The following FGF7 variants were observed in gnomAD, a reference collection of about 807,000 sequenced individuals.
FGF7 encodes FGF-7.
Under a neutral mutation model 20.5 loss-of-function variants are expected in FGF7, and 6 were observed. That is an observed-to-expected ratio of 0.29 (90% CI 0.16 to 0.58). The LOEUF is 0.58. FGF7 is among the 20% of genes least tolerant of loss of function. The pLI is 0.90. For synonymous variants in FGF7, 64 were observed against 74.7 expected, an observed-to-expected ratio of 0.86 and a Z score of 0.74; for missense variants, 144 against 228.8, an observed-to-expected ratio of 0.63 and a Z score of 2.39.
At position 49,485,024 on chromosome 15, in the gene FGF7, TTAAACTC is replaced by T. The variant is rs2056289943; in HGVS notation, c.*524_*530del. 6.6e-6 allele frequency: 1 copy of T among 152,010 alleles called. No homozygotes were observed. The highest frequency in any genetic ancestry group is 1.5e-5 in the Non-Finnish European group (1 of 67,944). 9.4% of individuals were successfully genotyped at this position (152,010 alleles called of 1,614,324 possible). A position where few individuals can be genotyped will look rare whatever the true frequency, so the allele number is the denominator to read the frequency against. On this transcript the variant is annotated 3_prime_UTR_variant, in exon 4 of 4. Coordinates refer to ENST00000267843, the MANE Select transcript of FGF7 (RefSeq NM_002009.4). ...TTTCTAGTGAAAAATTATAATCTAC[TTAAACTC>T]TAATCAGAAAAAAAATTCTCAAAAA...
intron 2 of FGF7, among the ~76,000 whole-genome samples, chr15:49,458,761 A>G (rs1472788646): frequency 1.3e-5 from 2 of 152,098 alleles, no homozygotes; most frequent in African/African-American, 4.8e-5. Flanking sequence ...AGTTCCTAAA[A>G]TCCTGTCTTT....
chr15:49,481,031 A>C lies in FGF7; in HGVS notation c.287-2120A>C, dbSNP rs575524043. Among the ~76,000 whole-genome samples, 126 of 152,354 alleles carry C rather than the reference A, an allele frequency of 8.3e-4. 3 individuals are homozygous for C. In the South Asian group the frequency reaches 0.025, roughly 31 times the overall value. On this transcript the variant is annotated intron_variant, in intron 2 of 3. Transcript: ENST00000267843. ...ATAACTGATCATGAAAGACACTCTA[A>C]ACTTGTGCATCAGCATTCTCTTTTT...
intron 2 of FGF7, among the ~76,000 whole-genome samples, chr15:49,467,589 T>A (rs923778545): frequency 6.6e-6 from 1 of 152,162 alleles, no homozygotes; most frequent in South Asian, 2.1e-4. Flanking sequence ...AAAAATCTGA[T>A]ACTTTCTCAC....
chr15:49,462,118 CA>C (rs889065102), intron 2 of FGF7, among the ~76,000 whole-genome samples: 5 of 146,074 alleles, frequency 3.4e-5, no homozygotes, highest in East Asian at 2.0e-4. Context: ...GACTCCATCT[CA>C]AAAAAAAAAT....
At chr15:49,469,760 C>T (rs2054571147) in intron 2 of FGF7, among the ~76,000 whole-genome samples, 1 of 151,990 alleles carries the variant, frequency 6.6e-6, no homozygotes, top group Non-Finnish European at 1.5e-5. Flanking sequence ...CTAAGTTATG[C>T]CTTTAAAAGT....
At chr15:49,456,780 T>C (rs2053333471) in intron 2 of FGF7, among the ~76,000 whole-genome samples, 1 of 151,980 alleles carries the variant, frequency 6.6e-6, no homozygotes, top group Non-Finnish European at 1.5e-5. Context: ...TATTGACAGG[T>C]GATGGGAAGT....
At chr15:49,477,891 CATT>C (rs1379688329) in intron 2 of FGF7, among the ~76,000 whole-genome samples, 1 of 152,166 alleles carries the variant, frequency 6.6e-6, no homozygotes, top group East Asian at 1.9e-4. Context: ...AGAGGTATCT[CATT>C]GTTGTTTTAA....
At chr15:49,472,262 C>G (rs1446731405) in intron 2 of FGF7, among the ~76,000 whole-genome samples, 3 of 152,208 alleles carry the variant, frequency 2.0e-5, no homozygotes, top group African/African-American at 7.2e-5. Flanking sequence ...AGTGACAACT[C>G]TGCTCCACAA....
intron 2 of FGF7, among the ~76,000 whole-genome samples, chr15:49,474,025 A>C (rs2055021177): frequency 6.6e-6 from 1 of 152,176 alleles, no homozygotes; most frequent in Non-Finnish European, 1.5e-5. Flanking sequence ...AAAATATACT[A>C]ACCTAAAACA....
chr15:49,447,500 C>T (rs374197785), intron 2 of FGF7, among the ~76,000 whole-genome samples: 3 of 151,702 alleles, frequency 2.0e-5, no homozygotes, highest in African/African-American at 7.2e-5. Flanking sequence ...ATAAGAGATT[C>T]TCAATCTTAA....
chr15:49,469,352 A>G (rs532698090), intron 2 of FGF7, among the ~76,000 whole-genome samples: 5 of 152,278 alleles, frequency 3.3e-5, no homozygotes, highest in African/African-American at 1.2e-4. Context: ...ATTAAATTAA[A>G]TTTAATTCTA....
intron 2 of FGF7, among the ~76,000 whole-genome samples, chr15:49,448,114 T>C (rs769563612): frequency 1.2e-4 from 18 of 151,744 alleles, no homozygotes; most frequent in Non-Finnish European, 2.1e-4. Context: ...AGCAACATAT[T>C]ATGCTCCTAT....
Position 49,424,194 on chromosome 15 carries a change from T to G in FGF7, c.-104T>G. 9.7e-7 allele frequency: 1 copy of G among 1,034,272 alleles called. No homozygotes were observed. The allele number at this position is 1,034,272 out of a possible 1,614,324, so 64.1% of individuals were successfully genotyped here. On this transcript the variant is annotated 5_prime_UTR_variant, in exon 2 of 4. Transcript: ENST00000267843. ...GAGCAACTACTCTTTCTTAAATCAA[T>G]CTACAATTCACAGATAGGAAGAGGT...
chr15:49,437,000 G>A (rs2051164792), intron 2 of FGF7, among the ~76,000 whole-genome samples: 2 of 151,492 alleles, frequency 1.3e-5, no homozygotes, highest in African/African-American at 4.8e-5. Flanking sequence ...AGAAGGCGTA[G>A]CAACCTTCAG....
chr15:49,477,552 G>A (rs1442012439), intron 2 of FGF7, among the ~76,000 whole-genome samples: 13 of 152,264 alleles, frequency 8.5e-5, no homozygotes, highest in Admixed American at 5.2e-4. Context: ...CAGTGTATAC[G>A]TGTACCATAG....
chr15:49,474,211 C>T (rs1036876413), intron 2 of FGF7, among the ~76,000 whole-genome samples: 3 of 152,098 alleles, frequency 2.0e-5, no homozygotes, highest in Admixed American at 1.3e-4. Flanking sequence ...CAGCCCAGTT[C>T]TTGCTGAGAT....
chr15:49,445,149 G>C (rs1191724356), intron 2 of FGF7, among the ~76,000 whole-genome samples: 1 of 151,650 alleles, frequency 6.6e-6, no homozygotes, highest in Non-Finnish European at 1.5e-5. Context: ...GATTCAGGGA[G>C]TACATGTGTA....
intron 2 of FGF7, among the ~76,000 whole-genome samples, chr15:49,463,644 C>T (rs934652034): frequency 1.3e-5 from 2 of 151,918 alleles, no homozygotes; most frequent in African/African-American, 4.8e-5. Context: ...CCTGGAAGTT[C>T]GCTGTGTATA....
At chr15:49,446,946 G>T (rs1177409994) in intron 2 of FGF7, among the ~76,000 whole-genome samples, 1 of 151,454 alleles carries the variant, frequency 6.6e-6, no homozygotes, top group African/African-American at 2.4e-5. Context: ...AAAAGGCAGA[G>T]AAATACTCCA....
Sources: gnomAD v4.1 joint callset for allele counts (sites outside exome capture counted in the v4.1 genomes callset) on GRCh38, gnomAD v4.1.1 for gene constraint, MANE v1.5 for transcripts, NCBI Gene and HGNC (gene_info 2026-07-23, HGNC 2026-07-21) for gene names.